The following PTPRG variants were observed in gnomAD, a reference collection of about 807,000 sequenced individuals.
The protein encoded by PTPRG is protein tyrosine phosphatase receptor type G.
In PTPRG, 102 loss-of-function variants were observed where a neutral mutation model predicts 165.3. The ratio of observed to expected loss-of-function variants is 0.62; its 90% CI spans 0.53 to 0.73. The LOEUF is 0.73. Among genes scored for constraint, PTPRG ranks in the 30% least tolerant of loss-of-function variants. PTPRG has a pLI of 0.00. For synonymous variants in PTPRG, 675 were observed against 669.5 expected, an observed-to-expected ratio of 1.01 and a Z score of -0.13; for missense variants, 1,866 against 1,861.4, an observed-to-expected ratio of 1.00 and a Z score of -0.05.
In PTPRG at chr3:62,264,757, G is replaced by A. The variant is rs951658790; in HGVS notation, c.2656+1863G>A. 5.9e-5 allele frequency among the ~76,000 whole-genome samples: 9 copies of A among 152,194 alleles called. No individual in the cohort carries two copies. The South Asian group carries it at 1.2e-3, about 21-fold the overall frequency. On this transcript the variant is annotated intron_variant, in intron 17 of 29. Coordinates refer to ENST00000474889, the MANE Select transcript of PTPRG (RefSeq NM_002841.4). ...TATGAATACCGCTATGAGCATTCAT[G>A]TACAAGTCTTTATGTAGACAGATAT...
At chr3:62,147,194 C>T (rs188990303) in intron 6 of PTPRG, among the ~76,000 whole-genome samples, 1 of 152,126 alleles carries the variant, frequency 6.6e-6, no homozygotes, top group Non-Finnish European at 1.5e-5. Context: ...GTTTCTGAAC[C>T]GTAAGTGTGA....
At chr3:61,811,872 T>G (rs938533050) in intron 2 of PTPRG, among the ~76,000 whole-genome samples, 2 of 152,202 alleles carry the variant, frequency 1.3e-5, no homozygotes, top group Admixed American at 1.3e-4. Flanking sequence ...CCTCTGCCAG[T>G]ACCAGAATAA....
rs143684021 is a variant in PTPRG at position 62,207,913 on chromosome 3, A to T, written c.2155+3963A>T. Among the ~76,000 whole-genome samples the T allele has an allele frequency of 2.3e-3, 345 of 152,360 alleles. 3 individuals carry two copies. Among genetic ancestry groups the T allele is most frequent in the African/African-American group, 7.7e-3 (321 of 41,586 alleles). Reference sequence around the variant, plus strand: ...TAAAGAGCACATGACTTTTCTAAAGAGGGCCATCTCACTCAGCTCCAACAG... The same window carrying T: ...TAAAGAGCACATGACTTTTCTAAAGTGGGCCATCTCACTCAGCTCCAACAG... On this transcript the variant is annotated intron_variant, in intron 12 of 29. Transcript: ENST00000474889.
intron 2 of PTPRG, among the ~76,000 whole-genome samples, chr3:61,969,275 C>A (rs2040335716): frequency 6.6e-6 from 1 of 152,032 alleles, no homozygotes; most frequent in African/African-American, 2.4e-5. Context: ...CAACAATGTT[C>A]CAAGGTACCT....
At chr3:62,284,172 G>A (rs1576223339) in intron 28 of PTPRG, among the ~76,000 whole-genome samples, 3 of 151,996 alleles carry the variant, frequency 2.0e-5, no homozygotes, top group African/African-American at 7.3e-5. Context: ...AGTACTCCGA[G>A]GTGTTTTGTC....
In PTPRG at chr3:61,644,390, C is replaced by T. The variant is rs763507098; in HGVS notation, c.85+82018C>T. Among the ~76,000 whole-genome samples, 39 of 152,058 alleles carry T rather than the reference C, an allele frequency of 2.6e-4. 1 individual carries two copies. Among genetic ancestry groups the T allele is most frequent in the Non-Finnish European group, 5.0e-4 (34 of 68,014 alleles). On this transcript the variant is annotated intron_variant, in intron 1 of 29. Coordinates refer to ENST00000474889, the MANE Select transcript of PTPRG (RefSeq NM_002841.4). The stretch of plus-strand genomic sequence containing the variant: ...TGTGTGATGATAGTGTTTCATCTCT[C>T]GGGAGATGGAAGAACTAACATTAAT...
chr3:62,038,586 A>G (rs545693738), intron 4 of PTPRG, among the ~76,000 whole-genome samples: 4 of 152,080 alleles, frequency 2.6e-5, no homozygotes, highest in Middle Eastern at 3.4e-3. Flanking sequence ...TTGTAGAGAG[A>G]GGGTTTTGGC....
chr3:61,898,053 C>A (rs991884468), intron 2 of PTPRG, among the ~76,000 whole-genome samples: 6 of 151,938 alleles, frequency 3.9e-5, no homozygotes, highest in African/African-American at 1.5e-4. Flanking sequence ...CTCTTTTATG[C>A]CTTATTTTAG....
intron 7 of PTPRG, among the ~76,000 whole-genome samples, chr3:62,164,787 GA>G (rs1704904585): frequency 1.3e-5 from 2 of 152,286 alleles, no homozygotes; most frequent in South Asian, 4.1e-4. Flanking sequence ...TGAGGCTTCA[GA>G]AATAAACTTT....
At chr3:61,834,585 C>T (rs770745841) in intron 2 of PTPRG, among the ~76,000 whole-genome samples, 7 of 152,106 alleles carry the variant, frequency 4.6e-5, no homozygotes, top group Non-Finnish European at 7.4e-5. Flanking sequence ...GAGGCCGAGG[C>T]AGGTGGATCA....
intron 4 of PTPRG, among the ~76,000 whole-genome samples, chr3:62,040,046 A>G (rs1700075283): frequency 6.6e-6 from 1 of 152,254 alleles, no homozygotes; most frequent in African/African-American, 2.4e-5. Flanking sequence ...TTTCCAGCCG[A>G]CAACCAGCTC....
At chr3:61,984,734 T>G (rs2040717365) in intron 2 of PTPRG, among the ~76,000 whole-genome samples, 2 of 152,210 alleles carry the variant, frequency 1.3e-5, no homozygotes, top group African/African-American at 4.8e-5. Flanking sequence ...TTTCCATTAA[T>G]TTTTGTTTTT....
At chr3:62,039,734 G>T (rs1240868290) in intron 4 of PTPRG, among the ~76,000 whole-genome samples, 2 of 152,222 alleles carry the variant, frequency 1.3e-5, no homozygotes, top group African/African-American at 4.8e-5. Context: ...GACTCCTGCA[G>T]CTGGTGAGCC....
chr3:62,069,672 T>TCACA (rs1468607304), intron 4 of PTPRG, among the ~76,000 whole-genome samples: 72 of 26,554 alleles, frequency 2.7e-3, no homozygotes, highest in African/African-American at 5.3e-3. Context: ...TCTCTCTCTC[T>TCACA]CTCTCTCTCT....
At chr3:62,274,447 C>G (rs919675061) in intron 23 of PTPRG, among the ~76,000 whole-genome samples, 4 of 152,230 alleles carry the variant, frequency 2.6e-5, no homozygotes, top group South Asian at 2.1e-4. Context: ...GCTCAGTCAT[C>G]TGATAATAAA....
At chr3:62,074,178 AGAGT>A (rs1368362484) in intron 4 of PTPRG, among the ~76,000 whole-genome samples, 798 of 65,008 alleles carry the variant, frequency 0.012, 8 homozygotes, top group African/African-American at 0.035. Context: ...AAAAAAAGTG[AGAGT>A]GTGTGTGTGT....
intron 2 of PTPRG, among the ~76,000 whole-genome samples, chr3:61,860,018 T>A (rs2037217135): frequency 6.6e-6 from 1 of 152,208 alleles, no homozygotes; most frequent in Admixed American, 6.5e-5. Context: ...TTAATTATAT[T>A]TCCTTTATAA....
intron 2 of PTPRG, among the ~76,000 whole-genome samples, chr3:61,987,590 G>A (rs1024967051): frequency 6.6e-6 from 1 of 152,084 alleles, no homozygotes; most frequent in Non-Finnish European, 1.5e-5. Flanking sequence ...TCTGTTGAGT[G>A]TAATTTTATT....
intron 1 of PTPRG, among the ~76,000 whole-genome samples, chr3:61,590,604 T>C (rs1426955476): frequency 6.6e-6 from 1 of 152,230 alleles, no homozygotes; most frequent in African/African-American, 2.4e-5. Flanking sequence ...ACTACTTCCC[T>C]CTTGTCCTGC....
Sources: gnomAD v4.1 joint callset for allele counts (sites outside exome capture counted in the v4.1 genomes callset) on GRCh38, gnomAD v4.1.1 for gene constraint, MANE v1.5 for transcripts, NCBI Gene and HGNC (gene_info 2026-07-23, HGNC 2026-07-21) for gene names.